The following SASH1 variants were observed in gnomAD, a reference collection of about 807,000 sequenced individuals.
SASH1 encodes the protein SAM and SH3 domain containing 1.
A neutral mutation model predicts 125.2 loss-of-function variants in SASH1; 44 were observed. The ratio of observed to expected loss-of-function variants is 0.35; its 90% confidence interval spans 0.28 to 0.45. The LOEUF is 0.45. SASH1 is among the 20% of genes least tolerant of loss of function. SASH1 has a pLI of 1.00. For synonymous variants in SASH1, 639 were observed against 649.1 expected, an observed-to-expected ratio of 0.98 and a Z score of 0.24; for missense variants, 1,426 against 1,614.5, an observed-to-expected ratio of 0.88 and a Z score of 2.00.
rs1028637058 is a variant in SASH1 at position 148,292,981 on chromosome 6, G to A, written n.74+20604G>A. Among the ~76,000 whole-genome samples, 7 of 151,872 alleles carry A rather than the reference G, an allele frequency of 4.6e-5. 1 individual carries two copies. Among genetic ancestry groups the A allele is most frequent in the East Asian group, 1.9e-4 (1 of 5,180 alleles). On this transcript the variant is annotated intron_variant and non_coding_transcript_variant, in intron 1 of 3. Coordinates refer to the SASH1 transcript ENST00000367469. ...GCAGGAGAATCACTTGAACCTGGGA[G>A]TTGGAGGTTGCAATGAGTCGAGATC... is the stretch of plus-strand genomic sequence containing the variant.
intron 1 of SASH1, among the ~76,000 whole-genome samples, chr6:148,347,250 GC>G (rs1393214978): frequency 6.6e-6 from 1 of 152,114 alleles, no homozygotes; most frequent in Non-Finnish European, 1.5e-5. Flanking sequence ...GTTAGTAAGT[GC>G]CTATTGTTTG....
chr6:148,547,835 G>T (rs970769816), intron 19 of SASH1, among the ~76,000 whole-genome samples: 1 of 152,144 alleles, frequency 6.6e-6, no homozygotes, highest in African/African-American at 2.4e-5. Flanking sequence ...TTCATAACTT[G>T]TATTGACTAA....
chr6:148,403,217 G>C (rs1267008524), intron 2 of SASH1, among the ~76,000 whole-genome samples: 1 of 151,650 alleles, frequency 6.6e-6, no homozygotes, highest in Non-Finnish European at 1.5e-5. Context: ...TGGGTAATAT[G>C]ATATCAAAAC....
chr6:148,387,623 T>G (rs1295097482), intron 1 of SASH1, among the ~76,000 whole-genome samples: 6 of 43,014 alleles, frequency 1.4e-4, no homozygotes, highest in African/African-American at 5.6e-4. Flanking sequence ...TTTCTTTCTT[T>G]CTTTCTTTCT....
Position 148,534,208 on chromosome 6 carries a change from G to A in SASH1, c.1944+228G>A, listed in dbSNP as rs545500671. 1.6e-3 allele frequency among the ~76,000 whole-genome samples: 244 copies of A among 152,266 alleles called. 1 individual carries two copies. Among genetic ancestry groups the A allele is most frequent in the Non-Finnish European group, 3.0e-3 (205 of 68,018 alleles). On this transcript the variant is annotated intron_variant, in intron 15 of 19. Transcript: ENST00000367467. ...AGCTGTGGGTGATAGCGTAAGCCCC[G>A]GGTCAAACCTTGCTGCTGGAAGAGC...
At chr6:148,481,004 G>A (rs1778591698) in intron 7 of SASH1, among the ~76,000 whole-genome samples, 1 of 97,964 alleles carries the variant, frequency 1.0e-5, no homozygotes, top group Non-Finnish European at 2.7e-5. Context: ...TAAGGAAGTC[G>A]AGCTCATTAG....
chr6:148,410,318 T>C (rs1784572136), intron 2 of SASH1, among the ~76,000 whole-genome samples: 1 of 151,490 alleles, frequency 6.6e-6, no homozygotes, highest in Admixed American at 6.6e-5. Context: ...ACCATGTTGG[T>C]CAGGCTGGTC....
chr6:148,321,112 G>T (rs1466581372), intron 1 of SASH1, among the ~76,000 whole-genome samples: 1 of 152,188 alleles, frequency 6.6e-6, no homozygotes. Flanking sequence ...GTAATGGCAG[G>T]CCAGGCGCGG....
chr6:148,535,533 G>A (rs775327330), intron 16 of SASH1, among the ~76,000 whole-genome samples: 4 of 152,192 alleles, frequency 2.6e-5, no homozygotes, highest in African/African-American at 7.2e-5. Context: ...ACGTCTCTCC[G>A]CAGTGAATAT....
rs1562396374 is a variant in SASH1 at position 148,421,149 on chromosome 6, G to GGAAGGAAGGAAGGAAGA, written c.286-19035_286-19034insGAAGGAAGGAAGGAAGA. Among the ~76,000 whole-genome samples the GGAAGGAAGGAAGGAAGA allele has an allele frequency of 5.0e-4, 34 of 67,378 alleles. 1 individual carries two copies. The highest frequency in any genetic ancestry group is 8.6e-4 in the Non-Finnish European group (25 of 29,186). 44.2% of individuals were successfully genotyped at this position (67,378 alleles called of 152,430 possible). On this transcript the variant is annotated intron_variant, in intron 2 of 19. Coordinates refer to ENST00000367467, the MANE Select transcript of SASH1 (RefSeq NM_015278.5). ...AGAAAGGAAGGAAGGAAGGAAGGAA[G>GGAAGGAAGGAAGGAAGA]AAAGAAAGAAAGAAAGAAAGAAAGA...
chr6:148,224,986 G>T, the SASH1 span, among the ~76,000 whole-genome samples: 1 of 152,198 alleles, frequency 6.6e-6, no homozygotes, highest in African/African-American at 2.4e-5. Flanking sequence ...GGGAGAAGTG[G>T]TTCCCAAGGA....
At chr6:148,337,451 C>G (rs1041756148) in intron 1 of SASH1, among the ~76,000 whole-genome samples, 1 of 152,112 alleles carries the variant, frequency 6.6e-6, no homozygotes, top group Non-Finnish European at 1.5e-5. Context: ...GTCTCGATCT[C>G]CTGACCTCGT....
At chr6:148,224,034 C>G in the SASH1 span, among the ~76,000 whole-genome samples, 3 of 152,306 alleles carry the variant, frequency 2.0e-5, no homozygotes, top group African/African-American at 7.2e-5. Flanking sequence ...TGGCTTATGC[C>G]TGTAATCCCA....
intron 1 of SASH1, among the ~76,000 whole-genome samples, chr6:148,352,318 C>G (rs1160911889): frequency 6.6e-6 from 1 of 152,288 alleles, no homozygotes; most frequent in East Asian, 1.9e-4. Context: ...AGAACAAAGG[C>G]CAGGCTTGGT....
chr6:148,387,737 C>T (rs1266105892), intron 1 of SASH1, among the ~76,000 whole-genome samples: 1 of 141,980 alleles, frequency 7.0e-6, no homozygotes, highest in Non-Finnish European at 1.5e-5. Context: ...TCTTTCTTTT[C>T]TTTTCTTTCT....
At chr6:148,319,083 A>G (rs1780568607) in intron 1 of SASH1, among the ~76,000 whole-genome samples, 1 of 112,614 alleles carries the variant, frequency 8.9e-6, no homozygotes, top group Non-Finnish European at 1.6e-5. Context: ...CCCAGGCTGG[A>G]GTGCAGTGGC....
At chr6:148,249,577 C>T in the SASH1 span, among the ~76,000 whole-genome samples, 1 of 152,130 alleles carries the variant, frequency 6.6e-6, no homozygotes, top group African/African-American at 2.4e-5. Flanking sequence ...TGACCTTGAC[C>T]GATTTACCTT....
chr6:148,195,341 A>G, the SASH1 span, among the ~76,000 whole-genome samples: 1 of 152,248 alleles, frequency 6.6e-6, no homozygotes, highest in Non-Finnish European at 1.5e-5. Flanking sequence ...GACTGGCTCC[A>G]GAGTCCTAAA....
intron 8 of SASH1, among the ~76,000 whole-genome samples, chr6:148,508,206 G>A (rs1306680862): frequency 6.6e-6 from 1 of 152,190 alleles, no homozygotes; most frequent in Non-Finnish European, 1.5e-5. Context: ...TGGGGAGAGA[G>A]AGAGAAAGTG....
Sources: allele counts gnomAD v4.1 joint callset (sites outside exome capture counted in the v4.1 genomes callset), GRCh38; gene constraint gnomAD v4.1.1; transcripts MANE v1.5; gene names NCBI Gene and HGNC (gene_info 2026-07-23, HGNC 2026-07-21).